The following MRC1 variants were observed in gnomAD, a reference collection of about 807,000 sequenced individuals.
MRC1 encodes the protein macrophage mannose receptor 1.
In MRC1, 62 loss-of-function variants were observed where a neutral mutation model predicts 102.9. The ratio of observed to expected loss-of-function variants is 0.60; its 90% CI spans 0.49 to 0.74. The LOEUF (loss-of-function observed/expected upper bound fraction) is 0.74. Among genes scored for constraint, MRC1 ranks in the 30% least tolerant of loss-of-function variants. The pLI, the probability that MRC1 is intolerant of heterozygous loss-of-function variation, is 0.00. For synonymous variants in MRC1, 457 were observed against 298.4 expected (o/e 1.53, Z -5.48); for missense variants, 1,237 against 862.8 (o/e 1.43, Z -5.43).
At chr10:17,836,990 A>G (rs1838674935) in intron 4 of MRC1, among the ~76,000 whole-genome samples, 1 of 152,204 alleles carries the variant, frequency 6.6e-6, no homozygotes, top group African/African-American at 2.4e-5. Context: ...GACAGAGCAC[A>G]GGTTACTTTG....
At chr10:17,868,059 CA>C (rs1235576923) in intron 12 of MRC1, among the ~76,000 whole-genome samples, 11 of 151,866 alleles carry the variant, frequency 7.2e-5, no homozygotes, top group African/African-American at 2.7e-4. Flanking sequence ...AACAAACAGA[CA>C]AAAAAAGAAA....
At chr10:17,823,892 T>C (rs1225718612) in intron 2 of MRC1, among the ~76,000 whole-genome samples, 1 of 152,232 alleles carries the variant, frequency 6.6e-6, no homozygotes, top group African/African-American at 2.4e-5. Context: ...CCATAGAACA[T>C]TCTTTCCCAA....
chr10:17,821,162 C>G (rs1838389376), intron 1 of MRC1, among the ~76,000 whole-genome samples: 1 of 152,108 alleles, frequency 6.6e-6, no homozygotes, highest in Non-Finnish European at 1.5e-5. Flanking sequence ...AGTAACCCAG[C>G]AGAGGAGCCC....
intron 1 of MRC1, among the ~76,000 whole-genome samples, chr10:17,815,585 G>A (rs1838298380): frequency 1.3e-5 from 2 of 152,144 alleles, no homozygotes; most frequent in South Asian, 4.1e-4. Flanking sequence ...ATGGCCCCGG[G>A]AAGGTGTAGA....
At chr10:17,861,646 T>C in intron 10 of MRC1, 144 bp downstream of exon 10, 1 of 608,078 alleles carries the variant, frequency 1.6e-6, no homozygotes, top group South Asian at 2.1e-5. Flanking sequence ...AAAAATAATA[T>C]TCTTATTTGG....
chr10:17,834,505 C>T (rs147033019), intron 4 of MRC1, among the ~76,000 whole-genome samples: 2,878 of 152,222 alleles, frequency 0.019, 111 homozygotes, highest in African/African-American at 0.065. Context: ...CTCCACCTCC[C>T]GGGTTCACAT....
At chr10:17,874,501 C>A (rs899705563) in intron 16 of MRC1, among the ~76,000 whole-genome samples, 1 of 152,138 alleles carries the variant, frequency 6.6e-6, no homozygotes, top group Admixed American at 6.5e-5. Flanking sequence ...TCTATAAAGT[C>A]CCATTTTCCA....
At chr10:17,851,697 A>T (rs1589178165) in intron 7 of MRC1, among the ~76,000 whole-genome samples, 1 of 152,224 alleles carries the variant, frequency 6.6e-6, no homozygotes, top group Non-Finnish European at 1.5e-5. Flanking sequence ...TGAGGGGTAC[A>T]TGAGGTCACT....
At chr10:17,888,846 T>A (rs1287516155) in intron 22 of MRC1, among the ~76,000 whole-genome samples, 1 of 152,202 alleles carries the variant, frequency 6.6e-6, no homozygotes, top group Non-Finnish European at 1.5e-5. Flanking sequence ...GATCTGTCTA[T>A]TTTTGATAGA....
At chr10:17,880,019 T>C (rs1833492314) in intron 19 of MRC1, among the ~76,000 whole-genome samples, 198 bp downstream of exon 19, 1 of 152,202 alleles carries the variant, frequency 6.6e-6, no homozygotes, top group Non-Finnish European at 1.5e-5. Flanking sequence ...GTAAATGACA[T>C]AGTTAATCTT....
At chr10:17,907,494 T>G (rs782367656) in intron 27 of MRC1, 40 bp from the exon 28 acceptor site, 1 of 780,348 alleles carries the variant, frequency 1.3e-6, no homozygotes, top group Non-Finnish European at 2.4e-6. Context: ...AGATAGGTTA[T>G]ATTTAACTTT....
chr10:17,890,034 T>A (rs977917157), intron 22 of MRC1, among the ~76,000 whole-genome samples: 3 of 152,192 alleles, frequency 2.0e-5, no homozygotes, highest in Non-Finnish European at 4.4e-5. Context: ...TCAATGTTTG[T>A]TTGTCTGAGA....
At chr10:17,870,685 G>T (rs1359842281) in intron 13 of MRC1, among the ~76,000 whole-genome samples, 163 bp from the exon 14 acceptor site, 1 of 152,140 alleles carries the variant, frequency 6.6e-6, no homozygotes, top group Non-Finnish European at 1.5e-5. Context: ...ATACCAAAAT[G>T]CACATCTATT....
At chr10:17,815,800 T>C (rs1023871627) in intron 1 of MRC1, among the ~76,000 whole-genome samples, 1 of 151,570 alleles carries the variant, frequency 6.6e-6, no homozygotes, top group East Asian at 1.9e-4. Flanking sequence ...TGTTTTTTTT[T>C]CTTTTGTTCA....
rs1263317417 is a variant in MRC1, at chr10:17,866,722, G to T, written c.1944G>T (p.Glu648Asp). The T allele has an allele frequency of 1.3e-6, 1 of 780,700 alleles. No homozygotes were observed. The highest frequency in any genetic ancestry group is 1.7e-5 in the Admixed American group (1 of 59,018). The allele number at this position is 780,700 out of a possible 1,614,324, so 48.4% of individuals were successfully genotyped here. Residue 648 changes from glutamate to aspartate, a missense_variant, in exon 12 of 30, where the codon GAG becomes GAT. Coordinates refer to ENST00000569591, the MANE Select transcript of MRC1 (RefSeq NM_002438.4). The stretch of plus-strand genomic sequence containing the variant: ...CGACTCCCGAACCCAAATGTCCGGA[G>T]GATTGGGGCGCCAGCAGTAGAACAA... ...PTTTPEPKCP[E>D]DWGASSRTSL...
intron 25 of MRC1, 90 bp from the exon 26 acceptor site, chr10:17,901,883 A>T: frequency 2.6e-6 from 2 of 775,954 alleles, no homozygotes; most frequent in Non-Finnish European, 4.8e-6. Flanking sequence ...ATAATGATCA[A>T]TGATCAGTTT....
chr10:17,853,081 A>G lies in MRC1; in HGVS notation c.1364A>G (p.His455Arg), dbSNP rs1838940783. Residue 455 changes from histidine (H) to arginine (R), a missense_variant, in exon 8 of 30, where the codon CAT becomes CGT. His to Arg is a conservative substitution (Grantham distance 29). Transcript: ENST00000569591. The stretch of plus-strand genomic sequence containing the variant: ...AAATGGCTTCGTGGAGAACCAAGCC[A>G]TGAAAACAACAGACAGGAGGATTGT... ...FTKWLRGEPSHENNRQEDCVV... is the reference protein window; with the variant it reads ...FTKWLRGEPSRENNRQEDCVV... 3 of 780,760 alleles carry G rather than the reference A, an allele frequency of 3.8e-6. No individual in the cohort carries two copies. The highest frequency in any genetic ancestry group is 2.4e-6 in the Non-Finnish European group (1 of 417,970). The allele number at this position is 780,760 out of a possible 1,614,324, so 48.4% of individuals were successfully genotyped here.
chr10:17,904,874 A>T (rs1180120081), intron 26 of MRC1, among the ~76,000 whole-genome samples: 1 of 152,184 alleles, frequency 6.6e-6, no homozygotes, highest in Non-Finnish European at 1.5e-5. Context: ...AAAGTCTCCT[A>T]TGAACATCCC....
chr10:17,857,954 A>G (rs929884667), intron 9 of MRC1, among the ~76,000 whole-genome samples: 6 of 152,222 alleles, frequency 3.9e-5, no homozygotes, highest in Non-Finnish European at 8.8e-5. Context: ...GTAAATCCTC[A>G]TTATAAAGAA....
Sources: allele counts gnomAD v4.1 joint callset (sites outside exome capture counted in the v4.1 genomes callset), GRCh38; gene constraint gnomAD v4.1.1; transcripts MANE v1.5; gene names NCBI Gene and HGNC (gene_info 2026-07-23, HGNC 2026-07-21).